OXR1: variants seen among roughly 807,000 people sequenced by gnomAD.
OXR1 encodes oxidation resistance protein 1.
Under a neutral mutation model 104.6 loss-of-function variants are expected in OXR1, and 41 were observed. That is an observed-to-expected ratio of 0.39 (90% CI 0.31 to 0.51). The LOEUF (loss-of-function observed/expected upper bound fraction) is 0.51. Among genes scored for constraint, OXR1 ranks in the 20% least tolerant of loss-of-function variants. OXR1 has a pLI of 0.77. For missense variants in OXR1, 955 were observed against 1,031.9 expected (o/e 0.93, Z 1.02); for synonymous variants, 348 against 348.4 (o/e 1.00, Z 0.01).
intron 1 of OXR1, among the ~76,000 whole-genome samples, chr8:106,279,892 C>T (rs1158729021): frequency 1.3e-5 from 2 of 152,144 alleles, no homozygotes; most frequent in Non-Finnish European, 2.9e-5. Flanking sequence ...TTCTGAAGAG[C>T]AGGACCTTGG....
chr8:106,648,822 C>T (rs181813122), intron 3 of OXR1, among the ~76,000 whole-genome samples: 5 of 152,080 alleles, frequency 3.3e-5, no homozygotes, highest in Admixed American at 2.0e-4. Flanking sequence ...AAATTGAACT[C>T]GGAAACTGTA....
At position 106,464,245 on chromosome 8, in the gene OXR1, A is replaced by G. The variant is rs190218899; in HGVS notation, c.24-54698A>G. 1.2e-3 allele frequency among the ~76,000 whole-genome samples: 177 copies of G among 152,132 alleles called. 1 individual carries two copies. The highest frequency in any genetic ancestry group is 4.0e-3 in the African/African-American group (165 of 41,538). On this transcript the variant is annotated intron_variant, in intron 2 of 16. Coordinates refer to ENST00000517566, the MANE Select transcript of OXR1 (RefSeq NM_001198533.2). ...TGCTTTAAAAACATTTTCAAGCCCA[A>G]TATTGCACTAATCCTCAAAACATCT...
intron 2 of OXR1, among the ~76,000 whole-genome samples, chr8:106,362,579 T>G (rs1304742901): frequency 6.6e-6 from 1 of 152,142 alleles, no homozygotes; most frequent in Non-Finnish European, 1.5e-5. Context: ...AACTTCCAAG[T>G]TTCCAGGAAA....
At chr8:106,478,876 C>T (rs570427573) in intron 2 of OXR1, among the ~76,000 whole-genome samples, 214 of 151,762 alleles carry the variant, frequency 1.4e-3, no homozygotes, top group Admixed American at 3.6e-3. Flanking sequence ...TGTGTATATA[C>T]GTATATGTGA....
chr8:106,640,543 A>G (rs552716507), intron 3 of OXR1, among the ~76,000 whole-genome samples: 3 of 151,840 alleles, frequency 2.0e-5, no homozygotes, highest in Non-Finnish European at 4.4e-5. Context: ...TTTTGAGGAG[A>G]AAGTAGTGAG....
chr8:106,338,400 T>C (rs1028711349), intron 1 of OXR1, among the ~76,000 whole-genome samples: 19 of 151,842 alleles, frequency 1.3e-4, no homozygotes, highest in African/African-American at 4.6e-4. Context: ...TAGTCTCTAC[T>C]AAAAATACAA....
Position 106,666,779 on chromosome 8 carries a change from G to A in OXR1, c.221-12431G>A, listed in dbSNP as rs765209350. 3.3e-5 allele frequency among the ~76,000 whole-genome samples: 5 copies of A among 152,282 alleles called. No homozygotes were observed. In the South Asian group the frequency reaches 1.0e-3, roughly 32 times the overall value. ...ACTGATCAGATACGGAAGGTAATCA[G>A]ATATCCAGGATCGGGGTGGGGGTTC... On this transcript the variant is annotated intron_variant, in intron 3 of 16. Coordinates refer to ENST00000517566, the MANE Select transcript of OXR1 (RefSeq NM_001198533.2).
intron 2 of OXR1, among the ~76,000 whole-genome samples, chr8:106,407,991 G>T (rs191102249): frequency 6.6e-6 from 1 of 152,214 alleles, no homozygotes; most frequent in African/African-American, 2.4e-5. Flanking sequence ...GGGTGCTTTT[G>T]CTCTCTAGGA....
chr8:106,284,345 G>T (rs1812406657), intron 1 of OXR1, among the ~76,000 whole-genome samples: 1 of 152,064 alleles, frequency 6.6e-6, no homozygotes, highest in African/African-American at 2.4e-5. Flanking sequence ...CACCAAAGAT[G>T]GTCAGAGTGT....
At chr8:106,526,795 T>G (rs941061364) in intron 3 of OXR1, among the ~76,000 whole-genome samples, 30 of 152,160 alleles carry the variant, frequency 2.0e-4, no homozygotes, top group African/African-American at 6.3e-4. Context: ...CGCCCCCCTC[T>G]GCCTCCCAAA....
intron 1 of OXR1, among the ~76,000 whole-genome samples, chr8:106,288,023 A>G (rs1016435591): frequency 2.0e-5 from 3 of 152,190 alleles, no homozygotes; most frequent in African/African-American, 7.2e-5. Flanking sequence ...AAGTTCTTCT[A>G]CCAAAAGGAG....
chr8:106,382,093 C>A (rs1817171133), intron 2 of OXR1, among the ~76,000 whole-genome samples: 1 of 152,164 alleles, frequency 6.6e-6, no homozygotes, highest in Non-Finnish European at 1.5e-5. Context: ...GGAAATCAGA[C>A]TTTTAACTCA....
At chr8:106,331,997 A>AGTGTGTGTGTGTGTGTGTGT (rs3073756) in intron 1 of OXR1, among the ~76,000 whole-genome samples, 1 of 138,080 alleles carries the variant, frequency 7.2e-6, no homozygotes, top group African/African-American at 2.7e-5. Context: ...GAAAGAACAT[A>AGTGTGTGTGTGTGTGTGTGT]GTGTGTGTGT....
At chr8:106,474,128 G>T (rs1022405791) in intron 2 of OXR1, among the ~76,000 whole-genome samples, 10 of 136,934 alleles carry the variant, frequency 7.3e-5, no homozygotes, top group East Asian at 2.1e-4. Context: ...CTAAAGTTTT[G>T]TTTTTTTTTT....
intron 2 of OXR1, among the ~76,000 whole-genome samples, chr8:106,418,181 G>C (rs1237781759): frequency 6.6e-6 from 1 of 152,126 alleles, no homozygotes; most frequent in Non-Finnish European, 1.5e-5. Context: ...ATTTGGAGCT[G>C]TGTTATTGTC....
chr8:106,649,445 T>C (rs1226330525), intron 3 of OXR1, among the ~76,000 whole-genome samples: 1 of 151,768 alleles, frequency 6.6e-6, no homozygotes. Flanking sequence ...CATATGCATG[T>C]ACCCAGTTAT....
At chr8:106,335,601 C>T (rs1405818596) in intron 1 of OXR1, among the ~76,000 whole-genome samples, 1 of 151,980 alleles carries the variant, frequency 6.6e-6, no homozygotes, top group African/African-American at 2.4e-5. Flanking sequence ...ATAATTACTA[C>T]AGTACACTCT....
intron 2 of OXR1, among the ~76,000 whole-genome samples, chr8:106,486,818 A>G (rs1810689926): frequency 6.6e-6 from 1 of 152,064 alleles, no homozygotes; most frequent in Non-Finnish European, 1.5e-5. Context: ...AGTTAAATTC[A>G]TATGCAGAGT....
At chr8:106,324,928 C>T (rs1362639802) in intron 1 of OXR1, among the ~76,000 whole-genome samples, 9 of 152,028 alleles carry the variant, frequency 5.9e-5, no homozygotes, top group Non-Finnish European at 1.2e-4. Context: ...ACACACTACA[C>T]GGTAAAGGAA....
Sources: gnomAD v4.1 joint callset for allele counts (sites outside exome capture counted in the v4.1 genomes callset) on GRCh38, gnomAD v4.1.1 for gene constraint, MANE v1.5 for transcripts, NCBI Gene and HGNC (gene_info 2026-07-23, HGNC 2026-07-21) for gene names.